The following GSG1L variants were observed in gnomAD, a reference collection of about 807,000 sequenced individuals.
GSG1L encodes the protein GSG1 like.
GSG1L carries 24 observed loss-of-function variants against 42.1 expected under a neutral mutation model. That is an observed-to-expected ratio of 0.57 (90% CI 0.41 to 0.80). The LOEUF (loss-of-function observed/expected upper bound fraction) is 0.80, where lower values mean the gene tolerates loss of function less well. Ranked by LOEUF, GSG1L falls within the 30% of genes least tolerant of loss-of-function variation. The pLI is 0.00. For missense variants in GSG1L, 445 were observed against 472.2 expected, an observed-to-expected ratio of 0.94 and a Z score of 0.53; for synonymous variants, 215 against 203.5, an observed-to-expected ratio of 1.06 and a Z score of -0.48.
intron 4 of GSG1L, among the ~76,000 whole-genome samples, chr16:27,838,345 C>G (rs1413708223): frequency 6.6e-6 from 1 of 152,182 alleles, no homozygotes; most frequent in African/African-American, 2.4e-5. Context: ...TCTCCCTGTT[C>G]CTCTCACCCC....
At chr16:27,812,965 A>G (rs2140949454) in intron 5 of GSG1L, among the ~76,000 whole-genome samples, 1 of 152,054 alleles carries the variant, frequency 6.6e-6, no homozygotes, top group South Asian at 2.1e-4. Context: ...GTTTTAGTAG[A>G]GACGGGGTTT....
At chr16:27,897,502 A>G (rs2084204797) in intron 2 of GSG1L, among the ~76,000 whole-genome samples, 1 of 151,872 alleles carries the variant, frequency 6.6e-6, no homozygotes, top group Non-Finnish European at 1.5e-5. Flanking sequence ...GTCTCACCCT[A>G]TTGCCCAGGG....
At chr16:27,961,675 T>C (rs918559817) in intron 2 of GSG1L, among the ~76,000 whole-genome samples, 3 of 152,214 alleles carry the variant, frequency 2.0e-5, no homozygotes, top group African/African-American at 4.8e-5. Flanking sequence ...AGTGGTCATA[T>C]TATTGTGTTT....
chr16:28,063,051 C>T lies in GSG1L; in HGVS notation c.349+25G>A, dbSNP rs778763137. 6 of 1,391,210 alleles carry T rather than the reference C, an allele frequency of 4.3e-6. No homozygotes were observed. In the African/African-American group the frequency reaches 7.5e-5, roughly 18 times the overall value. The allele number at this position is 1,391,210 out of a possible 1,614,324, so 86.2% of individuals were successfully genotyped here. A position where few individuals can be genotyped will look rare whatever the true frequency, so the allele number is the denominator to read the frequency against. ...CCGCCCCGGGGGAGCCGGAGCCGAG[C>T]TGGCCGCCGCCCGCGCGCACTCACC... is the stretch of plus-strand genomic sequence containing the variant. On this transcript the variant is annotated intron_variant, in intron 1 of 6. Coordinates refer to ENST00000447459, the MANE Select transcript of GSG1L (RefSeq NM_001109763.2). This position sits in a 1 kb window ranked among gnomAD's most constrained non-coding sequence, Gnocchi z 5.8.
intron 4 of GSG1L, among the ~76,000 whole-genome samples, chr16:27,837,255 C>T (rs1372320303): frequency 1.3e-5 from 2 of 152,202 alleles, no homozygotes; most frequent in African/African-American, 4.8e-5. Flanking sequence ...CTCATGAGAA[C>T]TCACTATCAC....
At chr16:27,841,522 C>A (rs960103579) in intron 4 of GSG1L, among the ~76,000 whole-genome samples, 1 of 152,188 alleles carries the variant, frequency 6.6e-6, no homozygotes, top group Non-Finnish European at 1.5e-5. Flanking sequence ...GAGCTGTTCT[C>A]CTCTCCAGTA....
chr16:27,920,843 A>G (rs1302949702), intron 2 of GSG1L, among the ~76,000 whole-genome samples: 1 of 152,178 alleles, frequency 6.6e-6, no homozygotes, highest in African/African-American at 2.4e-5. Context: ...CCAGGCAGGG[A>G]CAGGCTTCAC....
At chr16:27,882,265 G>A (rs796297575) in intron 3 of GSG1L, among the ~76,000 whole-genome samples, 17 of 152,162 alleles carry the variant, frequency 1.1e-4, no homozygotes, top group African/African-American at 4.1e-4. Flanking sequence ...TGATTGTGAG[G>A]CCTCCCCAGC....
At chr16:28,007,153 C>G (rs1463299334) in intron 1 of GSG1L, among the ~76,000 whole-genome samples, 1 of 152,176 alleles carries the variant, frequency 6.6e-6, no homozygotes, top group Non-Finnish European at 1.5e-5. Context: ...GCAAAAGGGA[C>G]TCTGCTGGGT....
chr16:27,978,027 C>G (rs777867348), intron 1 of GSG1L, among the ~76,000 whole-genome samples: 2 of 152,174 alleles, frequency 1.3e-5, no homozygotes, highest in Non-Finnish European at 2.9e-5. Flanking sequence ...TCTGGCTGAG[C>G]GAGGATGGAT....
intron 3 of GSG1L, among the ~76,000 whole-genome samples, chr16:27,855,699 G>C (rs996863692): frequency 3.0e-5 from 4 of 134,132 alleles, no homozygotes; most frequent in African/African-American, 1.1e-4. Context: ...CAGCCTGGGT[G>C]ACAGAACGAG....
intron 2 of GSG1L, among the ~76,000 whole-genome samples, chr16:27,895,336 C>G (rs1250761160): frequency 2.6e-5 from 4 of 152,122 alleles, no homozygotes; most frequent in Non-Finnish European, 5.9e-5. Context: ...GGACACGGAT[C>G]CCACCCGGTG....
chr16:27,854,110 A>G (rs1223030628), intron 3 of GSG1L, among the ~76,000 whole-genome samples: 1 of 151,598 alleles, frequency 6.6e-6, no homozygotes, highest in Non-Finnish European at 1.5e-5. Context: ...AGAGAGAGAC[A>G]GTTTCTCTTC....
chr16:27,854,134 A>G (rs2083545903), intron 3 of GSG1L, among the ~76,000 whole-genome samples: 1 of 151,008 alleles, frequency 6.6e-6, no homozygotes, highest in Non-Finnish European at 1.5e-5. Context: ...TTCCACCTGG[A>G]GATCAGCTAA....
intron 1 of GSG1L, among the ~76,000 whole-genome samples, chr16:27,986,210 T>G (rs1295879593): frequency 6.6e-6 from 1 of 152,072 alleles, no homozygotes; most frequent in African/African-American, 2.4e-5. Context: ...ATAAGAAAAG[T>G]GTGATCTGGC....
chr16:27,790,300 T>C lies in GSG1L; in HGVS notation c.*1070A>G, dbSNP rs1001507783. On this transcript the variant is annotated 3_prime_UTR_variant, in exon 7 of 7. Transcript: ENST00000447459. ...TGGAAGGATAAAGGAGAAGAATATATTCTACGTGGGGAAAAGCTCTAGAAA... is the reference window on the plus strand; with the variant it reads ...TGGAAGGATAAAGGAGAAGAATATACTCTACGTGGGGAAAAGCTCTAGAAA... 6.6e-6 allele frequency: 1 copy of C among 152,106 alleles called. No individual in the cohort carries two copies. The highest frequency in any genetic ancestry group is 1.5e-5 in the Non-Finnish European group (1 of 68,012). 9.4% of individuals were successfully genotyped at this position (152,106 alleles called of 1,614,324 possible). A position where few individuals can be genotyped will look rare whatever the true frequency, so the allele number is the denominator to read the frequency against.
At chr16:27,855,294 G>A (rs1218704504) in intron 3 of GSG1L, among the ~76,000 whole-genome samples, 1 of 152,202 alleles carries the variant, frequency 6.6e-6, no homozygotes, top group Non-Finnish European at 1.5e-5. Context: ...CTGAGAAGAG[G>A]TTAAGGGCTC....
At chr16:27,939,046 C>T (rs1395715211) in intron 2 of GSG1L, among the ~76,000 whole-genome samples, 1 of 152,094 alleles carries the variant, frequency 6.6e-6, no homozygotes, top group Non-Finnish European at 1.5e-5. Context: ...CTTGAAAGCA[C>T]ATAATGACAT....
chr16:27,911,264 T>TCA (rs886510417), intron 2 of GSG1L, among the ~76,000 whole-genome samples: 3 of 111,640 alleles, frequency 2.7e-5, no homozygotes, highest in Non-Finnish European at 5.7e-5. Flanking sequence ...CACCTCTCTC[T>TCA]CGCTCTCTCT....
Sources: gnomAD v4.1 joint callset for allele counts (sites outside exome capture counted in the v4.1 genomes callset) on GRCh38, gnomAD v4.1.1 for gene constraint, Gnocchi (gnomAD v3.1) non-coding constraint, MANE v1.5 for transcripts, NCBI Gene and HGNC (gene_info 2026-07-23, HGNC 2026-07-21) for gene names.